The following PLXNA4 variants were observed in gnomAD, a reference collection of about 807,000 sequenced individuals.
The protein encoded by PLXNA4 is plexin A4.
A neutral mutation model predicts 191.8 loss-of-function variants in PLXNA4; 44 were observed. That is an observed-to-expected ratio of 0.23 (90% confidence interval 0.18 to 0.29). The LOEUF is 0.29. Among genes scored for constraint, PLXNA4 ranks in the 10% least tolerant of loss-of-function variants. The pLI, the probability that PLXNA4 is intolerant of heterozygous loss-of-function variation, is 1.00. For missense variants in PLXNA4, 1,800 were observed against 2,488.8 expected, an observed-to-expected ratio of 0.72 and a Z score of 5.89; for synonymous variants, 1,082 against 1,009.5, an observed-to-expected ratio of 1.07 and a Z score of -1.36.
At chr7:132,614,874 G>T (rs2116858803) in intron 2 of PLXNA4, among the ~76,000 whole-genome samples, 1 of 152,348 alleles carries the variant, frequency 6.6e-6, no homozygotes. Context: ...CAGAGAGGCG[G>T]AGATGGAGGA....
At chr7:132,405,231 TG>T (rs770546257) in intron 3 of PLXNA4, among the ~76,000 whole-genome samples, 21 of 152,066 alleles carry the variant, frequency 1.4e-4, no homozygotes, top group Non-Finnish European at 2.5e-4. Context: ...CAGTGGAGCC[TG>T]GGCCTTGGTG....
At chr7:132,158,473 A>G (rs1795856123) in intron 25 of PLXNA4, among the ~76,000 whole-genome samples, 1 of 152,332 alleles carries the variant, frequency 6.6e-6, no homozygotes, top group Non-Finnish European at 1.5e-5. Context: ...GCCAGCATCA[A>G]CAAACAGGCA....
intron 3 of PLXNA4, among the ~76,000 whole-genome samples, chr7:132,310,988 C>A (rs574847071): frequency 2.6e-5 from 4 of 152,178 alleles, no homozygotes; most frequent in Non-Finnish European, 5.9e-5. Context: ...TTGGGAAGCA[C>A]GCTGGTCAGA....
chr7:132,217,031 A>C (rs73155291), intron 9 of PLXNA4, among the ~76,000 whole-genome samples: 1 of 152,148 alleles, frequency 6.6e-6, no homozygotes, highest in African/African-American at 2.4e-5. Context: ...CTAAGAATGC[A>C]GGGGGGTGAG....
intron 10 of PLXNA4, among the ~76,000 whole-genome samples, chr7:132,208,029 C>A (rs2116888132): frequency 6.6e-6 from 1 of 152,266 alleles, no homozygotes; most frequent in South Asian, 2.1e-4. Context: ...AAGTAGATAC[C>A]CTCTCAGGTC....
chr7:132,615,926 G>GCTCTCTCTCTCTCTCTCT (rs1349796690), intron 2 of PLXNA4, among the ~76,000 whole-genome samples: 4 of 27,778 alleles, frequency 1.4e-4, no homozygotes, highest in Non-Finnish European at 4.4e-4. Flanking sequence ...ACAGATAAAG[G>GCTCTCTCTCTCTCTCTCT]ATCTCTCTCT....
chr7:132,518,683 A>G (rs959307444), intron 1 of PLXNA4, among the ~76,000 whole-genome samples: 11 of 152,178 alleles, frequency 7.2e-5, no homozygotes, highest in African/African-American at 2.7e-4. Context: ...CTAGTTTATT[A>G]AAAGGGGATG....
chr7:132,524,487 G>C, intron 1 of PLXNA4, among the ~76,000 whole-genome samples: 1 of 152,274 alleles, frequency 6.6e-6, no homozygotes, highest in Admixed American at 6.5e-5. Context: ...GAGTGCCCTG[G>C]GTTCCCCATT....
chr7:132,243,522 G>C (rs1207043674), intron 4 of PLXNA4, among the ~76,000 whole-genome samples: 1 of 152,158 alleles, frequency 6.6e-6, no homozygotes, highest in Non-Finnish European at 1.5e-5. Context: ...TTTGAAACTG[G>C]TGTTTAATAA....
intron 1 of PLXNA4, among the ~76,000 whole-genome samples, chr7:132,538,059 C>T (rs547967446): frequency 6.6e-5 from 10 of 152,340 alleles, no homozygotes; most frequent in Admixed American, 2.0e-4. Flanking sequence ...ATCAGACAAT[C>T]GCTGTCCTCT....
At chr7:132,340,482 C>T (rs1802984975) in intron 3 of PLXNA4, among the ~76,000 whole-genome samples, 6 of 152,210 alleles carry the variant, frequency 3.9e-5, no homozygotes, top group Admixed American at 3.9e-4. Context: ...CCTCTGTCAC[C>T]TTCTACCTTC....
intron 2 of PLXNA4, among the ~76,000 whole-genome samples, chr7:132,606,738 G>A (rs983109317): frequency 6.6e-6 from 1 of 152,172 alleles, no homozygotes; most frequent in African/African-American, 2.4e-5. Flanking sequence ...GATTCACAGG[G>A]CCACCCCTGA....
In PLXNA4 at chr7:132,489,295, C is replaced by T. The variant is rs1414140487; in HGVS notation, c.1368G>A (p.Lys456=). ...AAGTACTGCACCTCATTCCTACCTT[C>T]TTCAGCTTGCCACTTTTGGTGCCCA... ...AFVGTKSGKL[K]KIRVDGPRGN... is the part of the protein sequence containing the mutation. The change falls in exon 3 of 32, where the codon AAG becomes AAA. Residue 456 remains lysine, a synonymous_variant. Coordinates refer to ENST00000321063, the MANE Select transcript of PLXNA4 (RefSeq NM_020911.2). 1 of 1,583,216 alleles carries T rather than the reference C, an allele frequency of 6.3e-7. No individual in the cohort carries two copies. Among genetic ancestry groups the T allele is most frequent in the Admixed American group, 1.7e-5 (1 of 59,598 alleles).
At chr7:132,502,631 T>C (rs1798302200) in intron 2 of PLXNA4, among the ~76,000 whole-genome samples, 1 of 152,150 alleles carries the variant, frequency 6.6e-6, no homozygotes, top group Non-Finnish European at 1.5e-5. Context: ...AGCACACTCT[T>C]GTGAAACACC....
At chr7:132,406,886 C>T (rs1481743503) in intron 3 of PLXNA4, among the ~76,000 whole-genome samples, 1 of 151,992 alleles carries the variant, frequency 6.6e-6, no homozygotes, top group Non-Finnish European at 1.5e-5. Context: ...GAGTGGGCAC[C>T]GAGAGAATCA....
intron 5 of PLXNA4, among the ~76,000 whole-genome samples, chr7:132,235,552 G>A (rs1200943481): frequency 6.6e-6 from 1 of 152,234 alleles, no homozygotes; most frequent in African/African-American, 2.4e-5. Context: ...AAGAGGCAGG[G>A]TCGTGAGGGG....
chr7:132,443,682 G>A (rs1362988883), intron 3 of PLXNA4, among the ~76,000 whole-genome samples: 2 of 152,276 alleles, frequency 1.3e-5, no homozygotes, highest in East Asian at 1.9e-4. Context: ...TTAACCTCAC[G>A]TCTGCATCCT....
rs375153409 is a variant in PLXNA4, at chr7:132,372,900, G to T, written c.1372-74678C>A. 2.6e-5 allele frequency among the ~76,000 whole-genome samples: 4 copies of T among 152,196 alleles called. No homozygotes were observed. In the South Asian group the frequency reaches 8.3e-4, roughly 31 times the overall value. Reference sequence around the variant, plus strand: ...CCGTGGGTTCAGCAGAGGGCCTGGCGTGGAGAGCATGGAAGTGCCTTGAAA... The same window carrying T: ...CCGTGGGTTCAGCAGAGGGCCTGGCTTGGAGAGCATGGAAGTGCCTTGAAA... On this transcript the variant is annotated intron_variant, in intron 3 of 31. Coordinates refer to ENST00000321063, the MANE Select transcript of PLXNA4 (RefSeq NM_020911.2).
At position 132,365,358 on chromosome 7, in the gene PLXNA4, T is replaced by TGCGCGCGCGCGC. The variant is rs1554424500; in HGVS notation, c.1372-67137_1372-67136insGCGCGCGCGCGC. ...GTGTGTGTGTGTGTGTGTGTGTGTGTGTGCGTGCGCGCGCATGCATGGGGC... is the reference window on the plus strand; with the variant it reads ...GTGTGTGTGTGTGTGTGTGTGTGTGTGCGCGCGCGCGCGTGCGTGCGCGCGCATGCATGGGGC... On this transcript the variant is annotated intron_variant, in intron 3 of 31. Transcript: ENST00000321063. Among the ~76,000 whole-genome samples the TGCGCGCGCGCGC allele has an allele frequency of 7.5e-5, 10 of 133,648 alleles. No individual in the cohort carries two copies. The East Asian group carries it at 1.5e-3, about 20-fold the overall frequency. 87.7% of individuals were successfully genotyped at this position (133,648 alleles called of 152,430 possible).
Sources: allele counts gnomAD v4.1 joint callset (sites outside exome capture counted in the v4.1 genomes callset), GRCh38; gene constraint gnomAD v4.1.1; transcripts MANE v1.5; gene names NCBI Gene and HGNC (gene_info 2026-07-23, HGNC 2026-07-21).